Variants in DLG2 observed in about 807,000 individuals in gnomAD.
The protein encoded by DLG2 is discs large MAGUK scaffold protein 2.
In DLG2, 45 loss-of-function variants were observed where a neutral mutation model predicts 132.5. That is an observed-to-expected ratio of 0.34 (90% CI 0.27 to 0.44). The LOEUF (loss-of-function observed/expected upper bound fraction) is 0.44. Among genes scored for constraint, DLG2 ranks in the 20% least tolerant of loss-of-function variants. DLG2 has a pLI of 1.00. For missense variants in DLG2, 1,045 were observed against 1,196.9 expected, an observed-to-expected ratio of 0.87 and a Z score of 1.87; for synonymous variants, 424 against 419.6, an observed-to-expected ratio of 1.01 and a Z score of -0.13.
At chr11:84,688,762 C>A (rs1365736862) in intron 6 of DLG2, among the ~76,000 whole-genome samples, 1 of 152,140 alleles carries the variant, frequency 6.6e-6, no homozygotes, top group Non-Finnish European at 1.5e-5. Context: ...CAAATATGAC[C>A]CTTCCAATCT....
In DLG2 at chr11:84,580,263, G is replaced by A. The variant is rs1002391607; in HGVS notation, c.358-45532C>T. Among the ~76,000 whole-genome samples, 2 of 152,146 alleles carry A rather than the reference G, an allele frequency of 1.3e-5. 1 individual carries two copies. Among genetic ancestry groups the A allele is most frequent in the Non-Finnish European group, 2.9e-5 (2 of 68,030 alleles). On this transcript the variant is annotated intron_variant, in intron 6 of 27. Coordinates refer to ENST00000376104, the MANE Select transcript of DLG2 (RefSeq NM_001142699.3). Reference sequence around the variant, plus strand: ...GATCATAAATAATGATTAAGATATGGAGAAAATGTATATTAAAACAAATAT... The same window carrying A: ...GATCATAAATAATGATTAAGATATGAAGAAAATGTATATTAAAACAAATAT...
rs1005879640 is a variant in DLG2 at position 85,312,979 on chromosome 11, C to T, written c.41-27614G>A. 3.9e-5 allele frequency among the ~76,000 whole-genome samples: 6 copies of T among 152,052 alleles called. No homozygotes were observed. The South Asian group carries it at 1.2e-3, about 31-fold the overall frequency. On this transcript the variant is annotated intron_variant, in intron 3 of 27. Coordinates refer to ENST00000376104, the MANE Select transcript of DLG2 (RefSeq NM_001142699.3). ...AATCACCAAAACCCTTTTGGATATA[C>T]ATCTAGGTCAAACTTCCTGGTCTCC...
intron 5 of DLG2, among the ~76,000 whole-genome samples, chr11:85,151,793 G>A (rs893902929): frequency 6.6e-6 from 1 of 152,096 alleles, no homozygotes; most frequent in Non-Finnish European, 1.5e-5. Flanking sequence ...CTGTTGCTTT[G>A]TAGTAAGCTT....
chr11:84,523,099 GA>G (rs1192323973), intron 7 of DLG2, among the ~76,000 whole-genome samples: 2 of 152,108 alleles, frequency 1.3e-5, no homozygotes, highest in African/African-American at 4.8e-5. Flanking sequence ...CAAGGATGAG[GA>G]TTTAACAATT....
intron 21 of DLG2, among the ~76,000 whole-genome samples, chr11:83,529,214 A>G (rs761088438): frequency 6.6e-6 from 1 of 152,036 alleles, no homozygotes. Flanking sequence ...AATTTATCCC[A>G]AGGTCCCAGA....
intron 9 of DLG2, among the ~76,000 whole-genome samples, chr11:84,152,962 T>G (rs1032807567): frequency 1.1e-4 from 17 of 152,336 alleles, no homozygotes; most frequent in African/African-American, 4.1e-4. Context: ...CACTTAAGTG[T>G]GTTGCTGTGG....
chr11:84,901,475 C>T (rs143538921), intron 6 of DLG2, among the ~76,000 whole-genome samples: 57 of 152,218 alleles, frequency 3.7e-4, no homozygotes, highest in African/African-American at 1.3e-3. Flanking sequence ...AGGAATTTTC[C>T]ACGTAGTTCC....
chr11:85,085,753 G>T (rs572505125), intron 6 of DLG2, among the ~76,000 whole-genome samples: 3 of 152,166 alleles, frequency 2.0e-5, no homozygotes, highest in South Asian at 4.1e-4. Context: ...TTAGCAACTT[G>T]CCCAAGGTCA....
intron 6 of DLG2, among the ~76,000 whole-genome samples, chr11:84,992,077 A>C (rs1263889906): frequency 6.6e-6 from 1 of 151,670 alleles, no homozygotes; most frequent in African/African-American, 2.4e-5. Context: ...CTCTCTCTGG[A>C]GTGTTTCTTT....
At position 85,441,813 on chromosome 11, in the gene DLG2, A is replaced by C. The variant is rs531987761; in HGVS notation, c.41-156448T>G. Among the ~76,000 whole-genome samples the C allele has an allele frequency of 1.4e-4, 22 of 152,296 alleles. 1 individual carries two copies. In the East Asian group the frequency reaches 3.9e-3, roughly 27 times the overall value. The stretch of plus-strand genomic sequence containing the variant: ...ACAGACAAGGATCCTGTCCAGGAAT[A>C]AATACATAATTTTAAAAATATGATA... On this transcript the variant is annotated intron_variant, in intron 3 of 27. Coordinates refer to ENST00000376104, the MANE Select transcript of DLG2 (RefSeq NM_001142699.3).
chr11:84,484,245 T>G (rs74674591), intron 7 of DLG2, among the ~76,000 whole-genome samples: 1 of 152,190 alleles, frequency 6.6e-6, no homozygotes, highest in Non-Finnish European at 1.5e-5. Flanking sequence ...TCTTGGTGGA[T>G]GATTGTAAAA....
At chr11:84,160,743 A>T (rs1178208129) in intron 9 of DLG2, among the ~76,000 whole-genome samples, 1 of 152,200 alleles carries the variant, frequency 6.6e-6, no homozygotes, top group Non-Finnish European at 1.5e-5. Context: ...TCAATGGATA[A>T]CTGGTAATGG....
chr11:84,124,789 CA>C (rs2094092260), intron 9 of DLG2, among the ~76,000 whole-genome samples: 1 of 149,592 alleles, frequency 6.7e-6, no homozygotes, highest in Non-Finnish European at 1.5e-5. Context: ...ATAGTGCCAA[CA>C]TTTTTTTGCG....
intron 5 of DLG2, among the ~76,000 whole-genome samples, chr11:85,153,351 A>C (rs934892955): frequency 6.6e-6 from 1 of 151,998 alleles, no homozygotes; most frequent in African/African-American, 2.4e-5. Flanking sequence ...GAATTAGTCA[A>C]CTCTATCTAT....
intron 18 of DLG2, among the ~76,000 whole-genome samples, chr11:83,704,958 C>A (rs1204632041): frequency 6.6e-6 from 1 of 152,132 alleles, no homozygotes. Flanking sequence ...TCATTTGTAT[C>A]CCAAATCTCA....
chr11:84,299,985 C>A (rs1328855063), intron 7 of DLG2, among the ~76,000 whole-genome samples: 1 of 151,996 alleles, frequency 6.6e-6, no homozygotes, highest in Non-Finnish European at 1.5e-5. Flanking sequence ...AGTATAAGAA[C>A]AACGTGTTTG....
chr11:85,175,866 G>A (rs558299597), intron 4 of DLG2, among the ~76,000 whole-genome samples: 1 of 152,080 alleles, frequency 6.6e-6, no homozygotes, highest in African/African-American at 2.4e-5. Context: ...ATTCACAATT[G>A]TCACAAAGGG....
intron 6 of DLG2, among the ~76,000 whole-genome samples, chr11:85,026,563 C>T (rs372091201): frequency 6.6e-5 from 10 of 152,032 alleles, no homozygotes; most frequent in African/African-American, 1.9e-4. Flanking sequence ...TTCGGCCGGG[C>T]GCGGTAGCTC....
intron 2 of DLG2, among the ~76,000 whole-genome samples, chr11:85,601,146 CT>C (rs2080126010): frequency 1.3e-5 from 2 of 152,038 alleles, no homozygotes; most frequent in Non-Finnish European, 2.9e-5. Flanking sequence ...GTATTTATTA[CT>C]TTTTAATATA....
Sources: gnomAD v4.1 joint callset for allele counts (sites outside exome capture counted in the v4.1 genomes callset) on GRCh38, gnomAD v4.1.1 for gene constraint, MANE v1.5 for transcripts, NCBI Gene and HGNC (gene_info 2026-07-23, HGNC 2026-07-21) for gene names.